The following EIF2D variants were observed in gnomAD, a reference collection of about 807,000 sequenced individuals.
EIF2D encodes the protein eukaryotic translation initiation factor 2D.
In EIF2D, 56 loss-of-function variants were observed where a neutral mutation model predicts 77.4. That is an observed-to-expected ratio of 0.72 (90% CI 0.58 to 0.90). The LOEUF is 0.90. Among genes scored for constraint, EIF2D ranks in the 40% least tolerant of loss-of-function variants. EIF2D has a pLI of 0.00. For synonymous variants in EIF2D, 230 were observed against 271.0 expected, an observed-to-expected ratio of 0.85 and a Z score of 1.49; for missense variants, 574 against 706.5, an observed-to-expected ratio of 0.81 and a Z score of 2.13.
At chr1:206,601,382 C>T (rs1185102027) in intron 7 of EIF2D, 1 of 152,126 alleles carries the variant, frequency 6.6e-6, no homozygotes, top group African/African-American at 2.4e-5. Flanking sequence ...CCAGCCTGGG[C>T]AACATGGTGA....
chr1:206,587,324 G>T, downstream of EIF2D: 3 of 348,692 alleles, frequency 8.6e-6, no homozygotes, highest in East Asian at 7.6e-5. Flanking sequence ...AAGGAAGAAA[G>T]GTTTTAGAGC....
At chr1:206,578,185 C>T (rs1668726107) in intron 4 of EIF2D, among the ~76,000 whole-genome samples, 1 of 151,170 alleles carries the variant, frequency 6.6e-6, no homozygotes, top group Non-Finnish European at 1.5e-5. Context: ...GTGATTGCAC[C>T]AGTGCACTCT....
At chr1:206,574,751 C>G (rs1298137787) in intron 4 of EIF2D, among the ~76,000 whole-genome samples, 4 of 151,918 alleles carry the variant, frequency 2.6e-5, no homozygotes, top group Non-Finnish European at 4.4e-5. Context: ...GAGTCCATTT[C>G]AGAACACAGG....
intron 4 of EIF2D, among the ~76,000 whole-genome samples, chr1:206,573,456 C>G (rs1055971647): frequency 6.6e-6 from 1 of 152,118 alleles, no homozygotes; most frequent in African/African-American, 2.4e-5. Flanking sequence ...ATCTGGGACG[C>G]CATAGAGGGC....
chr1:206,577,037 C>G (rs1668683452), intron 4 of EIF2D, among the ~76,000 whole-genome samples: 1 of 151,700 alleles, frequency 6.6e-6, no homozygotes. Context: ...TCTCGAACTC[C>G]TGGGCTCAAG....
At chr1:206,604,762 CCAAGACTGGGCTGGA>C (rs1670107474) in intron 5 of EIF2D, 2 of 151,206 alleles carry the variant, frequency 1.3e-5, no homozygotes, top group Admixed American at 1.3e-4. Context: ...ATTAATAATT[CCAAGACTGGGCTGGA>C]AAATATAAGA....
chr1:206,584,851 A>G lies in EIF2D; in HGVS notation c.139-3689T>C. 1 of 707,798 alleles carries G rather than the reference A, an allele frequency of 1.4e-6. No individual in the cohort carries two copies. The highest frequency in any genetic ancestry group is 2.3e-6 in the Non-Finnish European group (1 of 429,306). 43.8% of individuals were successfully genotyped at this position (707,798 alleles called of 1,614,324 possible). A position where few individuals can be genotyped will look rare whatever the true frequency, so the allele number is the denominator to read the frequency against. ...ATCTGTGGAATCCGGGCAGGGAGGC[A>G]AGAGCAGAGTCCCTGACTCTGCATG... On this transcript the variant is annotated intron_variant and NMD_transcript_variant, in intron 2 of 5. Coordinates refer to the EIF2D transcript ENST00000472709. The surrounding 1 kb of genome is among the most constrained non-coding windows in gnomAD (Gnocchi z 4.9).
rs1669050086 is a variant in EIF2D at position 206,584,938 on chromosome 1, G to T, written c.139-3776C>A. 1.2e-5 allele frequency: 7 copies of T among 605,572 alleles called. No homozygotes were observed. Among genetic ancestry groups the T allele is most frequent in the South Asian group, 1.0e-4 (5 of 49,646 alleles). 37.5% of individuals were successfully genotyped at this position (605,572 alleles called of 1,614,324 possible). A position where few individuals can be genotyped will look rare whatever the true frequency, so the allele number is the denominator to read the frequency against. ...CTGATCTGTGCAATGGGAGGAATCT[G>T]CCCCACCATTCCTAATCTTTCAGGA... On this transcript the variant is annotated intron_variant and NMD_transcript_variant, in intron 2 of 5. Transcript: ENST00000472709. The surrounding 1 kb of genome is among the most constrained non-coding windows in gnomAD (Gnocchi z 4.9).
chr1:206,593,614 C>A lies in EIF2D; in HGVS notation c.1684+5G>T. On this transcript the variant is annotated splice_donor_5th_base_variant and intron_variant, in intron 14 of 14. Transcript: ENST00000271764. ...ATGCCTCCACTCTTCAGAGGGGATG[C>A]TCACCAAGCAATAGCCAGCCGAGGT... 2 of 1,601,338 alleles carry A rather than the reference C, an allele frequency of 1.2e-6. No homozygotes were observed. The highest frequency in any genetic ancestry group is 1.7e-6 in the Non-Finnish European group (2 of 1,170,844).
intron 4 of EIF2D, among the ~76,000 whole-genome samples, chr1:206,606,857 T>C (rs1177602309): frequency 6.6e-6 from 1 of 152,210 alleles, no homozygotes; most frequent in East Asian, 1.9e-4. Flanking sequence ...ATATCCAGTA[T>C]TGGTGAGAGT....
chr1:206,569,501 A>C (rs782199974), downstream of EIF2D, among the ~76,000 whole-genome samples: 1 of 152,244 alleles, frequency 6.6e-6, no homozygotes, highest in South Asian at 2.1e-4. Context: ...CAAGGGAAGA[A>C]GCCTTGGCTG....
At chr1:206,593,559 T>C (rs941443570) in intron 14 of EIF2D, 60 bp downstream of exon 14, 137 of 1,300,918 alleles carry the variant, frequency 1.1e-4, no homozygotes, top group Non-Finnish European at 1.4e-4. Flanking sequence ...CAAGTTGAGT[T>C]GGCAGGAAGG....
At position 206,605,485 on chromosome 1, in the gene EIF2D, C is replaced by A; in HGVS notation, c.445G>T (p.Ala149Ser). Residue 149 changes from alanine to serine, a missense_variant, in exon 5 of 15, where the codon GCA becomes TCA. Ala to Ser is a moderately conservative substitution (Grantham distance 99). Coordinates refer to ENST00000271764, the MANE Select transcript of EIF2D (RefSeq NM_006893.3). Reference sequence around the variant, plus strand: ...AGCATCTCAGCTGTGGACATGGCTGCAACTCCAATGGCTACAGGGGCTCTA... The same window carrying A: ...AGCATCTCAGCTGTGGACATGGCTGAAACTCCAATGGCTACAGGGGCTCTA... ...GNRAPVAIGV[A>S]AMSTAEMLTS... The A allele has an allele frequency of 3.1e-6, 5 of 1,614,072 alleles. No individual in the cohort carries two copies. In the African/African-American group the frequency reaches 4.0e-5, roughly 13 times the overall value.
At chr1:206,598,766 G>A (rs1158208686) in intron 11 of EIF2D, among the ~76,000 whole-genome samples, 1 of 152,122 alleles carries the variant, frequency 6.6e-6, no homozygotes, top group Admixed American at 6.5e-5. Flanking sequence ...TGATTCATGG[G>A]TATTTGTGAG....
At chr1:206,598,036 T>C (rs1457038001) in intron 11 of EIF2D, among the ~76,000 whole-genome samples, 1 of 151,862 alleles carries the variant, frequency 6.6e-6, no homozygotes, top group East Asian at 1.9e-4. Flanking sequence ...TTTTTTAAAG[T>C]GAAAAAAAAA....
chr1:206,569,399 C>T (rs901743375), downstream of EIF2D, among the ~76,000 whole-genome samples: 1 of 152,186 alleles, frequency 6.6e-6, no homozygotes, highest in Non-Finnish European at 1.5e-5. Context: ...GATGAAACCT[C>T]ACAGGTAGCA....
intron 13 of EIF2D, chr1:206,594,306 C>T (rs1374871504): frequency 6.6e-6 from 1 of 152,196 alleles, no homozygotes; most frequent in African/African-American, 2.4e-5. Context: ...CATCATCACA[C>T]CTAAAAATAA....
rs782088220 is a variant in EIF2D at position 206,609,459 on chromosome 1, A to C, written c.248T>G (p.Val83Gly). ...FELEKNLYPT[V>G]YTLWSYPDLL... ...ATCAGGATAGGACCACAGCGTGTAC[A>C]CTGTACAAAAAGAGATCCAGAAAAC... is the stretch of plus-strand genomic sequence containing the variant. Residue 83 changes from valine to glycine, a missense_variant and splice_region_variant, in exon 3 of 15, where the codon GTG becomes GGG. Val to Gly is a moderately radical substitution (Grantham distance 109). Transcript: ENST00000271764. 1.2e-6 allele frequency: 2 copies of C among 1,613,042 alleles called. No homozygotes were observed. The highest frequency in any genetic ancestry group is 1.7e-6 in the Non-Finnish European group (2 of 1,179,614).
At chr1:206,574,660 C>T (rs1487319095) in intron 4 of EIF2D, among the ~76,000 whole-genome samples, 1 of 152,158 alleles carries the variant, frequency 6.6e-6, no homozygotes, top group African/African-American at 2.4e-5. Context: ...GAGTTCCCAA[C>T]CCTTTTAATT....
Sources: allele counts gnomAD v4.1 joint callset (sites outside exome capture counted in the v4.1 genomes callset), GRCh38; gene constraint gnomAD v4.1.1; non-coding constraint Gnocchi (gnomAD v3.1); transcripts MANE v1.5; gene names NCBI Gene and HGNC (gene_info 2026-07-23, HGNC 2026-07-21).